The following PRDM11 variants were observed in gnomAD, a reference collection of about 807,000 sequenced individuals.
PRDM11 encodes the protein PR/SET domain 11, also known as PR domain-containing protein 11.
In PRDM11, 20 loss-of-function variants were observed where a neutral mutation model predicts 97.8. The observed-to-expected ratio is 0.20, with a 90% CI of 0.14 to 0.30. The LOEUF is 0.30. Among genes scored for constraint, PRDM11 ranks in the 10% least tolerant of loss-of-function variants. PRDM11 has a pLI of 1.00. For synonymous variants in PRDM11, 599 were observed against 637.7 expected, an observed-to-expected ratio of 0.94 and a Z score of 0.91; for missense variants, 1,139 against 1,555.2, an observed-to-expected ratio of 0.73 and a Z score of 4.50.
At chr11:45,114,822 GA>G (rs527676266) in intron 1 of PRDM11, among the ~76,000 whole-genome samples, 102 of 150,036 alleles carry the variant, frequency 6.8e-4, no homozygotes, top group Non-Finnish European at 1.2e-3. Context: ...TGCTGAAAGG[GA>G]AAAAAAAACT....
chr11:45,219,575 T>G lies in PRDM11; in HGVS notation c.560T>G (p.Val187Gly). 2 of 1,613,272 alleles carry G rather than the reference T, an allele frequency of 1.2e-6. No individual in the cohort carries two copies. The highest frequency in any genetic ancestry group is 1.7e-6 in the Non-Finnish European group (2 of 1,179,376). Residue 187 changes from valine (V) to glycine (G), a missense_variant, in exon 6 of 8, where the codon GTG (valine) becomes GGG (glycine). By Grantham distance (109) the Val-to-Gly change is moderately radical (BLOSUM62 -3). Coordinates refer to ENST00000683152, the MANE Select transcript of PRDM11 (RefSeq NM_001384648.1). This position sits in a 1 kb window ranked among gnomAD's most constrained non-coding sequence, Gnocchi z 4.2. ...DETKANWMRYVVISREEREQN... is the reference protein window; with the variant it reads ...DETKANWMRYGVISREEREQN... ...CTGTCTCCCCTCCCCACCAGGTACG[T>G]GGTCATCTCCCGGGAGGAGAGGGAG... is the stretch of plus-strand genomic sequence containing the variant.
chr11:45,183,537 G>A (rs1411952528), intron 4 of PRDM11, among the ~76,000 whole-genome samples: 1 of 152,188 alleles, frequency 6.6e-6, no homozygotes, highest in African/African-American at 2.4e-5. Flanking sequence ...GGTGCTGGGG[G>A]TAAACCCTTC....
intron 5 of PRDM11, chr11:45,214,679 A>T (rs901138654): frequency 2.0e-5 from 3 of 152,182 alleles, no homozygotes; most frequent in African/African-American, 7.2e-5. Flanking sequence ...GGAATCAAAG[A>T]TTGCCTTCCG....
At chr11:45,166,825 A>T (rs895398155) in intron 1 of PRDM11, among the ~76,000 whole-genome samples, 3 of 152,212 alleles carry the variant, frequency 2.0e-5, no homozygotes, top group African/African-American at 4.8e-5. Flanking sequence ...TCACAGCTCC[A>T]CAGTGCCTCC....
At chr11:45,135,242 C>CAGGTTG (rs1852816741) in intron 1 of PRDM11, among the ~76,000 whole-genome samples, 1 of 152,128 alleles carries the variant, frequency 6.6e-6, no homozygotes, top group African/African-American at 2.4e-5. Context: ...AGAAAACCTG[C>CAGGTTG]CTTAGCAAAC....
intron 5 of PRDM11, among the ~76,000 whole-genome samples, chr11:45,205,305 G>A (rs1456508194): frequency 6.6e-6 from 1 of 152,164 alleles, no homozygotes; most frequent in Non-Finnish European, 1.5e-5. Context: ...TTTTGCACCA[G>A]AAGTTTTCTT....
chr11:45,154,822 C>A (rs1046914247), intron 1 of PRDM11, among the ~76,000 whole-genome samples: 1 of 152,188 alleles, frequency 6.6e-6, no homozygotes, highest in Admixed American at 6.5e-5. Context: ...GGGGAAGTGA[C>A]TTAGAGCTCA....
intron 1 of PRDM11, among the ~76,000 whole-genome samples, chr11:45,101,204 T>C (rs1851969132): frequency 6.6e-6 from 1 of 152,134 alleles, no homozygotes; most frequent in Non-Finnish European, 1.5e-5. Context: ...GGGGGTGCTG[T>C]CAGGCTGCAG....
At chr11:45,153,333 C>G (rs1851707015) in intron 1 of PRDM11, among the ~76,000 whole-genome samples, 1 of 152,276 alleles carries the variant, frequency 6.6e-6, no homozygotes, top group Non-Finnish European at 1.5e-5. Context: ...AGGTTCAGTC[C>G]TGCTTCTGGC....
chr11:45,202,830 T>G (rs1853376887), intron 4 of PRDM11, among the ~76,000 whole-genome samples: 1 of 152,214 alleles, frequency 6.6e-6, no homozygotes, highest in Non-Finnish European at 1.5e-5. Context: ...GCATTCTTCT[T>G]TATAATTTCT....
chr11:45,225,927 C>A, intron 7 of PRDM11, 68 bp from the exon 8 acceptor site: 2 of 1,435,428 alleles, frequency 1.4e-6, no homozygotes, highest in African/African-American at 2.9e-5. Flanking sequence ...AGGAGTGTTT[C>A]CTGTGGATTT....
intron 1 of PRDM11, among the ~76,000 whole-genome samples, chr11:45,122,220 CA>C (rs1852447915): frequency 4.5e-5 from 6 of 133,274 alleles, no homozygotes; most frequent in African/African-American, 1.5e-4. Flanking sequence ...CACACACACA[CA>C]CACACACACA....
intron 6 of PRDM11, among the ~76,000 whole-genome samples, chr11:45,222,679 C>T (rs912007439): frequency 8.5e-5 from 13 of 152,146 alleles, no homozygotes; most frequent in Non-Finnish European, 1.8e-4. Flanking sequence ...TAAAGGAAAC[C>T]TGAAGTCAAA....
chr11:45,182,003 T>A (rs1852523897), intron 2 of PRDM11, 118 bp downstream of exon 2: 1 of 944,752 alleles, frequency 1.1e-6, no homozygotes, highest in Non-Finnish European at 1.6e-6. Context: ...CTAACCCTGC[T>A]CCCGGCAGCT....
rs1854416980 is a variant in PRDM11 at position 45,232,481 on chromosome 11, A to G, written c.*4322A>G. The G allele has an allele frequency of 6.6e-6, 1 of 152,304 alleles. No homozygotes were observed. 9.4% of individuals were successfully genotyped at this position (152,304 alleles called of 1,614,324 possible). On this transcript the variant is annotated 3_prime_UTR_variant, in exon 8 of 8. Transcript: ENST00000683152. The stretch of plus-strand genomic sequence containing the variant: ...CATAGGTCCAATTTTGGCAGAAGGC[A>G]TTGGACTTGTGCCCCCTCCCTGCTT...
intron 1 of PRDM11, among the ~76,000 whole-genome samples, chr11:45,153,347 A>G (rs556509334): frequency 6.6e-6 from 1 of 152,386 alleles, no homozygotes; most frequent in South Asian, 2.1e-4. Flanking sequence ...TTCTGGCACC[A>G]GATAGCGGTG....
chr11:45,217,546 T>C (rs763110368), intron 5 of PRDM11, among the ~76,000 whole-genome samples: 11 of 152,186 alleles, frequency 7.2e-5, no homozygotes, highest in Non-Finnish European at 1.5e-4. Context: ...TCTCAAAAGG[T>C]TGAAGCAGCC....
chr11:45,200,533 G>A (rs1261184778), intron 4 of PRDM11, among the ~76,000 whole-genome samples: 1 of 152,216 alleles, frequency 6.6e-6, no homozygotes, highest in Non-Finnish European at 1.5e-5. Flanking sequence ...CTCAGCTTGT[G>A]TGCAGTGAAG....
intron 4 of PRDM11, among the ~76,000 whole-genome samples, chr11:45,193,909 T>G (rs996274728): frequency 6.6e-6 from 1 of 152,218 alleles, no homozygotes; most frequent in African/African-American, 2.4e-5. Flanking sequence ...CCAGGTCTGC[T>G]CCAGACACTT....
Sources: gnomAD v4.1 joint callset for allele counts (sites outside exome capture counted in the v4.1 genomes callset) on GRCh38, gnomAD v4.1.1 for gene constraint, Gnocchi (gnomAD v3.1) non-coding constraint, MANE v1.5 for transcripts, NCBI Gene and HGNC (gene_info 2026-07-23, HGNC 2026-07-21) for gene names.